The following FMN1 variants were observed in gnomAD, a reference collection of about 807,000 sequenced individuals.
The protein encoded by FMN1 is formin 1, also known as formin-1.
Under a neutral mutation model 132.4 loss-of-function variants are expected in FMN1, and 110 were observed. The observed-to-expected ratio is 0.83, with a 90% CI of 0.71 to 0.97. FMN1 has a LOEUF of 0.97. Among genes scored for constraint, FMN1 ranks in the 50% least tolerant of loss-of-function variants. The probability of loss-of-function intolerance (pLI) is 0.00; values close to 1 mark genes in which losing one functional copy is unlikely to be tolerated. For synonymous variants in FMN1, 722 were observed against 651.7 expected, an observed-to-expected ratio of 1.11 and a Z score of -1.64; for missense variants, 1,792 against 1,705.3, an observed-to-expected ratio of 1.05 and a Z score of -0.90.
intron 6 of FMN1, among the ~76,000 whole-genome samples, chr15:33,034,373 G>A (rs900899644): frequency 1.3e-5 from 2 of 152,076 alleles, no homozygotes; most frequent in African/African-American, 4.8e-5. Context: ...CTAGGAGTTT[G>A]AGACCAGCCT....
intron 15 of FMN1, among the ~76,000 whole-genome samples, chr15:32,892,248 G>C (rs917008611): frequency 6.6e-6 from 1 of 152,136 alleles, no homozygotes; most frequent in Non-Finnish European, 1.5e-5. Context: ...AAATTTTGCT[G>C]AGAGTTTTAA....
At chr15:32,832,811 C>A (rs2058534189) in intron 17 of FMN1, among the ~76,000 whole-genome samples, 1 of 152,032 alleles carries the variant, frequency 6.6e-6, no homozygotes, top group Non-Finnish European at 1.5e-5. Context: ...TGCTGATAAT[C>A]CAAGGCCTGA....
chr15:33,073,396 G>C (rs574802945), intron 5 of FMN1, among the ~76,000 whole-genome samples: 4 of 152,160 alleles, frequency 2.6e-5, no homozygotes, highest in African/African-American at 4.8e-5. Flanking sequence ...GTTAAACTTA[G>C]TAAGGGTAAA....
chr15:33,077,072 A>G (rs549968524), intron 5 of FMN1, among the ~76,000 whole-genome samples: 7 of 152,340 alleles, frequency 4.6e-5, no homozygotes, highest in African/African-American at 1.7e-4. Context: ...TCTGTCGCCT[A>G]GGCTGGAGTG....
At chr15:32,918,592 T>C (rs531278237) in intron 10 of FMN1, among the ~76,000 whole-genome samples, 12 of 152,298 alleles carry the variant, frequency 7.9e-5, no homozygotes, top group African/African-American at 2.4e-4. Flanking sequence ...AGGTCTCCTT[T>C]TACAGGCGCA....
intron 17 of FMN1, among the ~76,000 whole-genome samples, chr15:32,855,157 TAAAAAAAAAAAAA>T (rs750275479): frequency 5.8e-5 from 5 of 85,544 alleles, no homozygotes; most frequent in African/African-American, 1.6e-4. Flanking sequence ...ACGTGGAGAG[TAAAAAAAAAAAAA>T]AAAAAAAAAA....
At position 32,836,521 on chromosome 15, in the gene FMN1, C is replaced by T. The variant is rs577974893; in HGVS notation, c.3928+20494G>A. The stretch of plus-strand genomic sequence containing the variant: ...CCCCTTACTTTTAGTCTCAGTACTA[C>T]AAATGCCCGCATGCTTTCTCCCCAG... On this transcript the variant is annotated intron_variant, in intron 17 of 20. Coordinates refer to ENST00000616417, the MANE Select transcript of FMN1 (RefSeq NM_001277313.2). Among the ~76,000 whole-genome samples, 3 of 152,286 alleles carry T rather than the reference C, an allele frequency of 2.0e-5. No individual in the cohort carries two copies. The East Asian group carries it at 5.8e-4, about 29-fold the overall frequency.
At chr15:33,193,676 T>C (rs1169630527) in intron 2 of FMN1, among the ~76,000 whole-genome samples, 1 of 152,114 alleles carries the variant, frequency 6.6e-6, no homozygotes, top group Non-Finnish European at 1.5e-5. Context: ...GTGTGAGTGC[T>C]AACATGGAAC....
chr15:32,834,999 C>T (rs1250464102), intron 17 of FMN1, among the ~76,000 whole-genome samples: 1 of 152,216 alleles, frequency 6.6e-6, no homozygotes, highest in East Asian at 1.9e-4. Flanking sequence ...GCTTTGGATA[C>T]TCTCAGAGGG....
In FMN1 at chr15:33,058,680, G is replaced by C. The variant is rs529786316; in HGVS notation, c.2161+6277C>G. Among the ~76,000 whole-genome samples the C allele has an allele frequency of 2.7e-4, 41 of 152,258 alleles. No homozygotes were observed. The South Asian group carries it at 2.9e-3, about 11-fold the overall frequency. ...GTGAGTTTTTGCAGATGAGTCCAGT[G>C]AGCCAGGATGGCCTCATATGCTCTA... is the stretch of plus-strand genomic sequence containing the variant. On this transcript the variant is annotated intron_variant, in intron 6 of 20. Coordinates refer to ENST00000616417, the MANE Select transcript of FMN1 (RefSeq NM_001277313.2).
intron 7 of FMN1, among the ~76,000 whole-genome samples, chr15:32,993,448 C>T (rs1296459425): frequency 2.7e-5 from 4 of 150,880 alleles, no homozygotes; most frequent in Non-Finnish European, 4.4e-5. Context: ...ACACCTACTG[C>T]AGCTTTCAAA....
At chr15:33,075,301 A>G (rs1196336257) in intron 5 of FMN1, among the ~76,000 whole-genome samples, 1 of 152,164 alleles carries the variant, frequency 6.6e-6, no homozygotes, top group African/African-American at 2.4e-5. Context: ...ATCATCTAAC[A>G]GATGTTTTTA....
intron 17 of FMN1, among the ~76,000 whole-genome samples, chr15:32,854,643 T>C (rs2059083020): frequency 6.6e-6 from 1 of 152,204 alleles, no homozygotes; most frequent in Non-Finnish European, 1.5e-5. Flanking sequence ...CCGGGCACAG[T>C]GGCTCACGCC....
intron 3 of FMN1, among the ~76,000 whole-genome samples, chr15:33,170,395 A>G (rs1481724140): frequency 6.6e-6 from 1 of 152,172 alleles, no homozygotes; most frequent in Non-Finnish European, 1.5e-5. Flanking sequence ...CAGGCAACAA[A>G]ACCAAAAATA....
chr15:32,916,040 G>A (rs2060676175), intron 10 of FMN1, among the ~76,000 whole-genome samples: 1 of 152,156 alleles, frequency 6.6e-6, no homozygotes, highest in Non-Finnish European at 1.5e-5. Context: ...TGTACCACAA[G>A]AATTATATAC....
intron 6 of FMN1, among the ~76,000 whole-genome samples, chr15:33,016,001 T>G (rs1490040833): frequency 6.6e-6 from 1 of 152,228 alleles, no homozygotes; most frequent in Non-Finnish European, 1.5e-5. Context: ...GTGGATTTAT[T>G]GACTTGGAAT....
intron 6 of FMN1, among the ~76,000 whole-genome samples, chr15:33,011,643 G>A (rs1408104772): frequency 6.6e-6 from 1 of 151,940 alleles, no homozygotes; most frequent in African/African-American, 2.4e-5. Flanking sequence ...ATTGACAATA[G>A]ATCAATCTAT....
chr15:32,838,673 ATTACCCTACAGATC>A (rs1288645014), intron 17 of FMN1, among the ~76,000 whole-genome samples: 1 of 152,226 alleles, frequency 6.6e-6, no homozygotes, highest in Admixed American at 6.5e-5. Flanking sequence ...AAGGAAAGAT[ATTACCCTACAGATC>A]TCTATGCCTT....
chr15:32,809,293 T>G (rs969700373), intron 17 of FMN1, among the ~76,000 whole-genome samples: 1 of 152,180 alleles, frequency 6.6e-6, no homozygotes. Context: ...ACCTCTAGGC[T>G]CTATATGGTG....
Sources: allele counts gnomAD v4.1 joint callset (sites outside exome capture counted in the v4.1 genomes callset), GRCh38; gene constraint gnomAD v4.1.1; transcripts MANE v1.5; gene names NCBI Gene and HGNC (gene_info 2026-07-23, HGNC 2026-07-21).